The following FOXO1 variants were observed in gnomAD, a reference collection of about 807,000 sequenced individuals.
FOXO1 encodes the protein forkhead box protein O1.
FOXO1 carries 6 observed loss-of-function variants against 44.1 expected under a neutral mutation model. That is an observed-to-expected ratio of 0.14 (90% confidence interval 0.07 to 0.27). The LOEUF (loss-of-function observed/expected upper bound fraction) is 0.27. Ranked by LOEUF, FOXO1 falls within the 10% of genes least tolerant of loss-of-function variation. The pLI, the probability that FOXO1 is intolerant of heterozygous loss-of-function variation, is 1.00. For synonymous variants in FOXO1, 380 were observed against 362.7 expected, an observed-to-expected ratio of 1.05 and a Z score of -0.54; for missense variants, 737 against 888.8, an observed-to-expected ratio of 0.83 and a Z score of 2.17.
intron 1 of FOXO1, among the ~76,000 whole-genome samples, chr13:40,657,289 GT>G (rs1566087000): frequency 6.6e-6 from 1 of 150,648 alleles, no homozygotes; most frequent in East Asian, 2.0e-4. Flanking sequence ...TAGCGAAATC[GT>G]AAGGGAACAA....
At chr13:40,652,387 G>A (rs1050795391) in intron 1 of FOXO1, among the ~76,000 whole-genome samples, 4 of 150,454 alleles carry the variant, frequency 2.7e-5, no homozygotes, top group East Asian at 2.0e-4. Context: ...CCCAGGGTCC[G>A]CCAACACGCC....
chr13:40,663,799 T>C (rs1002188544), intron 1 of FOXO1, among the ~76,000 whole-genome samples: 3 of 152,196 alleles, frequency 2.0e-5, no homozygotes, highest in Admixed American at 6.5e-5. Context: ...AAAATGAATC[T>C]TGAATTCCTT....
Position 40,560,171 on chromosome 13 carries a change from T to C in FOXO1, c.1320A>G (p.Gln440=). 1.2e-6 allele frequency: 2 copies of C among 1,614,150 alleles called. No homozygotes were observed. The highest frequency in any genetic ancestry group is 1.7e-6 in the Non-Finnish European group (2 of 1,180,026). ...AACTCGACTTATTGTCCTGAAGTGT[T>C]TGTATAGGCATCTGGGGCAAAGGGC... The part of the protein sequence containing the change: ...SMSPLPQMPI[Q]TLQDNKSSYG... The change falls in exon 2 of 3, where the codon CAA becomes CAG. Residue 440 remains glutamine (Q), a synonymous_variant. Transcript: ENST00000379561. The surrounding 1 kb of genome is among the most constrained non-coding windows in gnomAD (Gnocchi z 5.1).
At chr13:40,651,330 G>A (rs1431144150) in intron 1 of FOXO1, among the ~76,000 whole-genome samples, 1 of 152,046 alleles carries the variant, frequency 6.6e-6, no homozygotes, top group South Asian at 2.1e-4. Context: ...GAAATACAAA[G>A]CACCTTAAAG....
chr13:40,663,412 C>A (rs568829384), intron 1 of FOXO1, among the ~76,000 whole-genome samples: 14 of 152,190 alleles, frequency 9.2e-5, no homozygotes, highest in Non-Finnish European at 2.1e-4. Flanking sequence ...CAAAACACTT[C>A]CTTTATCTTT....
chr13:40,652,505 T>G (rs1014339606), intron 1 of FOXO1, among the ~76,000 whole-genome samples: 1 of 152,148 alleles, frequency 6.6e-6, no homozygotes, highest in Admixed American at 6.5e-5. Flanking sequence ...CCCAAAGTAC[T>G]GGGATTACAG....
intron 1 of FOXO1, among the ~76,000 whole-genome samples, chr13:40,569,355 A>T (rs529865836): frequency 1.3e-5 from 2 of 152,322 alleles, no homozygotes; most frequent in South Asian, 4.1e-4. Context: ...AAACAGTTAC[A>T]TGTACGGATG....
At position 40,593,924 on chromosome 13, in the gene FOXO1, C is replaced by T. The variant is rs993813074; in HGVS notation, c.631-33064G>A. ...ATTATAGAGAACTGCCTAATGAGGT[C>T]CCCTTAGACGAGGTCTGATTTGACA... On this transcript the variant is annotated intron_variant, in intron 1 of 2. Transcript: ENST00000379561. 5.3e-5 allele frequency among the ~76,000 whole-genome samples: 8 copies of T among 152,252 alleles called. No individual in the cohort carries two copies. In the South Asian group the frequency reaches 1.7e-3, roughly 32 times the overall value.
intron 1 of FOXO1, among the ~76,000 whole-genome samples, chr13:40,628,350 G>A (rs867980018): frequency 2.4e-5 from 3 of 125,618 alleles, no homozygotes; most frequent in African/African-American, 1.0e-4. Context: ...CCTCAAAAGA[G>A]CTGTTTACAC....
intron 1 of FOXO1, among the ~76,000 whole-genome samples, chr13:40,586,434 G>A (rs373725105): frequency 2.0e-5 from 3 of 152,238 alleles, no homozygotes; most frequent in African/African-American, 7.2e-5. Flanking sequence ...CGGGTTTCCA[G>A]GGAGACCCCA....
chr13:40,569,392 T>C (rs1874395946), intron 1 of FOXO1, among the ~76,000 whole-genome samples: 1 of 152,352 alleles, frequency 6.6e-6, no homozygotes, highest in African/African-American at 2.4e-5. Context: ...ATACATGAAG[T>C]TGCCTGGTGC....
chr13:40,650,882 G>A (rs1364726576), intron 1 of FOXO1, among the ~76,000 whole-genome samples: 1 of 152,042 alleles, frequency 6.6e-6, no homozygotes, highest in African/African-American at 2.4e-5. Flanking sequence ...AGCCTCCCGA[G>A]TAGCTGGGAC....
At chr13:40,664,808 C>G (rs1878166550) in intron 1 of FOXO1, among the ~76,000 whole-genome samples, 1 of 52,932 alleles carries the variant, frequency 1.9e-5, no homozygotes, top group Admixed American at 1.9e-4. Context: ...GCCCCTCCCA[C>G]GCCACCGCCA....
chr13:40,623,937 A>AT lies in FOXO1; in HGVS notation c.630+41645_630+41646insA, dbSNP rs1270911931. Among the ~76,000 whole-genome samples the AT allele has an allele frequency of 4.9e-3, 691 of 140,558 alleles. 5 individuals carry two copies. The highest frequency in any genetic ancestry group is 0.021 in the Middle Eastern group (6 of 282). The allele number at this position is 140,558 out of a possible 152,430, so 92.2% of individuals were successfully genotyped here. A position where few individuals can be genotyped will look rare whatever the true frequency, so the allele number is the denominator to read the frequency against. On this transcript the variant is annotated intron_variant, in intron 1 of 2. Coordinates refer to ENST00000379561, the MANE Select transcript of FOXO1 (RefSeq NM_002015.4). ...ACCATCTCTTAAAAAAAAAAAAAAA[A>AT]ATTTTTTTTTTTTTTAATTAGCCAG...
At chr13:40,601,804 T>C (rs924096599) in intron 1 of FOXO1, among the ~76,000 whole-genome samples, 1 of 152,178 alleles carries the variant, frequency 6.6e-6, no homozygotes, top group African/African-American at 2.4e-5. Flanking sequence ...ACCACTAATG[T>C]CTTGATTTGA....
chr13:40,586,945 T>C (rs1043960737), intron 1 of FOXO1, among the ~76,000 whole-genome samples: 1 of 152,192 alleles, frequency 6.6e-6, no homozygotes, highest in Admixed American at 6.5e-5. Context: ...AACTGAAGAT[T>C]ATACCACCAC....
chr13:40,603,551 C>T (rs900196350), intron 1 of FOXO1, among the ~76,000 whole-genome samples: 2 of 152,036 alleles, frequency 1.3e-5, no homozygotes, highest in African/African-American at 4.8e-5. Flanking sequence ...AACCTTTGAA[C>T]CAAGATACTC....
chr13:40,652,225 T>G (rs1258088337), intron 1 of FOXO1, among the ~76,000 whole-genome samples: 2 of 151,982 alleles, frequency 1.3e-5, no homozygotes, highest in African/African-American at 4.8e-5. Context: ...TCTCCTGTAT[T>G]CAAATCACAG....
intron 1 of FOXO1, among the ~76,000 whole-genome samples, chr13:40,657,319 CTTTTTTT>C (rs369503666): frequency 3.1e-5 from 4 of 127,802 alleles, no homozygotes; most frequent in African/African-American, 1.2e-4. Context: ...CCTTTTTTTT[CTTTTTTT>C]TTTTTTTTTG....
Sources: allele counts gnomAD v4.1 joint callset (sites outside exome capture counted in the v4.1 genomes callset), GRCh38; gene constraint gnomAD v4.1.1; non-coding constraint Gnocchi (gnomAD v3.1); transcripts MANE v1.5; gene names NCBI Gene and HGNC (gene_info 2026-07-23, HGNC 2026-07-21).